The following KLK14 variants were observed in gnomAD, a reference collection of about 807,000 sequenced individuals.
KLK14 encodes kallikrein related peptidase 14.
Under a neutral mutation model 24.6 loss-of-function variants are expected in KLK14, and 21 were observed. The ratio of observed to expected loss-of-function variants is 0.85; its 90% CI spans 0.61 to 1.23. The LOEUF (loss-of-function observed/expected upper bound fraction) is 1.23, where lower values mean the gene tolerates loss of function less well. Among genes scored for constraint, KLK14 ranks in the 50% most tolerant of loss-of-function variants. KLK14 has a pLI of 0.00. For synonymous variants in KLK14, 133 were observed against 139.7 expected (o/e 0.95, Z 0.34); for missense variants, 320 against 338.9 (o/e 0.94, Z 0.44).
chr19:51,079,337 G>A (rs1371503152), intron 4 of KLK14, 112 bp downstream of exon 4: 16 of 1,117,884 alleles, frequency 1.4e-5, no homozygotes, highest in Admixed American at 9.0e-5. Flanking sequence ...AGGAGTCCAG[G>A]CCCAGCCCCT....
chr19:51,082,213 C>T (rs2091844324), intron 2 of KLK14, among the ~76,000 whole-genome samples: 1 of 152,084 alleles, frequency 6.6e-6, no homozygotes. Context: ...TCCCATCATC[C>T]TTCTCCACCT....
intron 3 of KLK14, 88 bp downstream of exon 3, chr19:51,081,444 T>C: frequency 7.9e-7 from 1 of 1,264,672 alleles, no homozygotes; most frequent in Non-Finnish European, 1.0e-6. Flanking sequence ...CATTGGGTTC[T>C]ATACAGAGAT....
intron 4 of KLK14, among the ~76,000 whole-genome samples, 170 bp from the exon 5 acceptor site, chr19:51,079,121 C>A (rs1489550085): frequency 1.4e-5 from 2 of 139,872 alleles, no homozygotes; most frequent in African/African-American, 6.1e-5. Context: ...GGAGTCCAGA[C>A]CCCCAGTCCC....
intron 3 of KLK14, among the ~76,000 whole-genome samples, chr19:51,080,896 C>A (rs2091835235): frequency 6.6e-6 from 1 of 152,178 alleles, no homozygotes; most frequent in Non-Finnish European, 1.5e-5. Context: ...TGGTCTCGAA[C>A]TCCTGACCTC....
intron 3 of KLK14, 75 bp from the exon 4 acceptor site, chr19:51,079,777 C>T: frequency 6.7e-7 from 1 of 1,486,800 alleles, no homozygotes; most frequent in Non-Finnish European, 8.9e-7. Flanking sequence ...AGCCCGGTTC[C>T]CTGGCCGGGT....
At position 51,077,951 on chromosome 19, in the gene KLK14, G is replaced by C. The variant is rs2091812885; in HGVS notation, c.*56C>G. ...GCTGGGGCCTGGACTCCTGGGTCCT[G>C]AGTAGAGAGAGGAGGGCCTGGGCAG... On this transcript the variant is annotated 3_prime_UTR_variant, in exon 6 of 6. Coordinates refer to ENST00000650543, the MANE Select transcript of KLK14 (RefSeq NM_001369775.2). 6.9e-6 allele frequency: 11 copies of C among 1,594,890 alleles called. No homozygotes were observed. Among genetic ancestry groups the C allele is most frequent in the Non-Finnish European group, 9.4e-6 (11 of 1,169,590 alleles).
upstream of KLK14, among the ~76,000 whole-genome samples, chr19:51,083,845 C>T (rs912242992): frequency 6.6e-6 from 1 of 152,056 alleles, no homozygotes; most frequent in Non-Finnish European, 1.5e-5. Flanking sequence ...CCCCACCATG[C>T]GGCACTCACC....
chr19:51,081,134 A>C (rs917944367), intron 3 of KLK14, among the ~76,000 whole-genome samples: 1 of 152,216 alleles, frequency 6.6e-6, no homozygotes, highest in Non-Finnish European at 1.5e-5. Context: ...ATTTATGGCT[A>C]GACTGCAGGT....
At position 51,079,485 on chromosome 19, in the gene KLK14, G is replaced by A. The variant is rs373580926; in HGVS notation, c.430C>T (p.Arg144Ter). The change falls in exon 4 of 6, where the codon CGA (arginine) becomes TGA (stop). Residue 144 changes from arginine (R) to a stop codon, truncating the protein, a stop_gained. Transcript: ENST00000650543. LOFTEE classifies it high-confidence loss of function. ...QACASPGTSC[R>*]VSGWGTISSP... ...GATATAGTTCCCCAGCCTGACACTC[G>A]GCAGGAGGTCCCGGGGCTGGCACAG... 1.2e-4 allele frequency: 193 copies of A among 1,613,438 alleles called. No individual in the cohort carries two copies. In the African/African-American group the frequency reaches 2.4e-3, roughly 20 times the overall value.
chr19:51,082,940 G>GC (rs920146983), upstream of KLK14: 6 of 643,306 alleles, frequency 9.3e-6, no homozygotes, highest in African/African-American at 1.8e-5. Flanking sequence ...AGCTGGCCCT[G>GC]CCCCCACCTC....
At chr19:51,083,750 G>C (rs12609392), upstream of KLK14, among the ~76,000 whole-genome samples, 4 of 151,542 alleles carry the variant, frequency 2.6e-5, no homozygotes, top group Non-Finnish European at 4.4e-5. Context: ...AAAAGCAAAA[G>C]ACGGAGGGAA....
upstream of KLK14, among the ~76,000 whole-genome samples, chr19:51,083,286 GGA>G (rs756954891): frequency 1.9e-4 from 26 of 133,376 alleles, no homozygotes; most frequent in Non-Finnish European, 2.3e-4. Flanking sequence ...AGGGAGAGAG[GGA>G]GAGAGAGAGA....
upstream of KLK14, among the ~76,000 whole-genome samples, chr19:51,083,675 A>C (rs1004188852): frequency 1.3e-5 from 2 of 151,966 alleles, no homozygotes; most frequent in African/African-American, 4.8e-5. Flanking sequence ...TGGGAAAAAA[A>C]CAAGACAGAG....
chr19:51,082,275 C>T (rs1462326332), intron 2 of KLK14, among the ~76,000 whole-genome samples: 2 of 152,148 alleles, frequency 1.3e-5, no homozygotes, highest in African/African-American at 4.8e-5. Flanking sequence ...CTAACACAGT[C>T]AGGTAGAGCC....
intron 3 of KLK14, among the ~76,000 whole-genome samples, chr19:51,080,083 C>T (rs1473537399): frequency 1.3e-5 from 2 of 152,236 alleles, no homozygotes; most frequent in Admixed American, 6.5e-5. Context: ...CATTCTGTTT[C>T]TAGCCTGGGT....
chr19:51,083,752 C>T (rs545467998), upstream of KLK14, among the ~76,000 whole-genome samples: 13 of 150,750 alleles, frequency 8.6e-5, no homozygotes, highest in East Asian at 2.0e-4. Context: ...AAGCAAAAGA[C>T]GGAGGGAAGA....
chr19:51,083,956 G>A (rs1282913853), upstream of KLK14, among the ~76,000 whole-genome samples: 1 of 152,134 alleles, frequency 6.6e-6, no homozygotes, highest in African/African-American at 2.4e-5. Context: ...GGGACAGGCA[G>A]GCCGATGGCA....
chr19:51,082,740 A>G lies in KLK14; in HGVS notation c.-41T>C. Reference sequence around the variant, plus strand: ...CACTTACCCAGAGCCCAAGACCCTCAGGGACATGAAGACACAGCAGAGAGG... The same window carrying G: ...CACTTACCCAGAGCCCAAGACCCTCGGGGACATGAAGACACAGCAGAGAGG... On this transcript the variant is annotated 5_prime_UTR_variant, in exon 1 of 6. Coordinates refer to ENST00000650543, the MANE Select transcript of KLK14 (RefSeq NM_001369775.2). The G allele has an allele frequency of 6.2e-7, 1 of 1,613,884 alleles. No homozygotes were observed. The highest frequency in any genetic ancestry group is 8.5e-7 in the Non-Finnish European group (1 of 1,179,938).
At chr19:51,082,268 A>G (rs1394326376) in intron 2 of KLK14, among the ~76,000 whole-genome samples, 1 of 151,924 alleles carries the variant, frequency 6.6e-6, no homozygotes, top group Non-Finnish European at 1.5e-5. Context: ...TTCTTTCCTA[A>G]CACAGTCAGG....
Sources: allele counts gnomAD v4.1 joint callset (sites outside exome capture counted in the v4.1 genomes callset), GRCh38; gene constraint gnomAD v4.1.1; transcripts MANE v1.5; gene names NCBI Gene and HGNC (gene_info 2026-07-23, HGNC 2026-07-21).